CCDC77: variants seen among roughly 807,000 people sequenced by gnomAD.
CCDC77 encodes coiled-coil domain-containing protein 77.
A neutral mutation model predicts 66.8 loss-of-function variants in CCDC77; 56 were observed. The ratio of observed to expected loss-of-function variants is 0.84; its 90% CI spans 0.68 to 1.05. The LOEUF is 1.05. Ranked by LOEUF, CCDC77 falls within the 50% of genes least tolerant of loss-of-function variation. The probability of loss-of-function intolerance (pLI) is 0.00; values close to 1 mark genes in which losing one functional copy is unlikely to be tolerated. For synonymous variants in CCDC77, 196 were observed against 195.2 expected, an observed-to-expected ratio of 1.00 and a Z score of -0.03; for missense variants, 570 against 576.8, an observed-to-expected ratio of 0.99 and a Z score of 0.12.
At chr12:393,712 A>G (rs911724347) in intron 1 of CCDC77, among the ~76,000 whole-genome samples, 4 of 152,032 alleles carry the variant, frequency 2.6e-5, no homozygotes, top group African/African-American at 7.2e-5. Context: ...TTGTATTTTT[A>G]GTAGAGACGG....
At chr12:428,621 A>G (rs1443999388) in intron 5 of CCDC77, 148 bp from the exon 6 acceptor site, 3 of 507,500 alleles carry the variant, frequency 5.9e-6, no homozygotes, top group African/African-American at 2.0e-5. Flanking sequence ...TCTAGATACA[A>G]ACTATTCAAT....
chr12:425,552 G>C (rs1466569498), intron 5 of CCDC77, among the ~76,000 whole-genome samples: 1 of 151,796 alleles, frequency 6.6e-6, no homozygotes, highest in Admixed American at 6.6e-5. Flanking sequence ...TCCAAAATGC[G>C]GAGTATGTTG....
intron 8 of CCDC77, 45 bp downstream of exon 8, chr12:431,999 G>A: frequency 1.7e-6 from 2 of 1,188,988 alleles, no homozygotes; most frequent in East Asian, 2.3e-5. Flanking sequence ...TTATCCACAG[G>A]TGCAGCTCTA....
At chr12:418,140 G>A (rs571942267) in intron 4 of CCDC77, among the ~76,000 whole-genome samples, 7 of 152,074 alleles carry the variant, frequency 4.6e-5, no homozygotes, top group South Asian at 4.2e-4. Context: ...CCAACATGGC[G>A]AAACCCCATC....
Position 409,440 on chromosome 12 carries a change from T to G in CCDC77, c.38+19T>G, listed in dbSNP as rs775780238. 1.4e-5 allele frequency: 23 copies of G among 1,611,000 alleles called. No individual in the cohort carries two copies. Among genetic ancestry groups the G allele is most frequent in the Non-Finnish European group, 1.8e-5 (21 of 1,177,804 alleles). On this transcript the variant is annotated intron_variant, in intron 3 of 12. Transcript: ENST00000239830. Reference sequence around the variant, plus strand: ...GCAGAAAGTAAGACATTTGCTTATTTTCAAGTTGTTAAGAAATCGAGACTT... The same window carrying G: ...GCAGAAAGTAAGACATTTGCTTATTGTCAAGTTGTTAAGAAATCGAGACTT...
intron 3 of CCDC77, among the ~76,000 whole-genome samples, chr12:410,032 T>C (rs1375682574): frequency 6.6e-6 from 1 of 151,680 alleles, no homozygotes; most frequent in East Asian, 1.9e-4. Flanking sequence ...AGTAAACTAG[T>C]ATTTCTCTCA....
intron 1 of CCDC77, among the ~76,000 whole-genome samples, chr12:402,358 G>T (rs1305304435): frequency 6.6e-6 from 1 of 152,178 alleles, no homozygotes; most frequent in Admixed American, 6.5e-5. Flanking sequence ...CAGTTCTTTT[G>T]CACTTAGATC....
intron 5 of CCDC77, among the ~76,000 whole-genome samples, chr12:419,450 TGA>T (rs150515185): frequency 1.1e-4 from 10 of 91,554 alleles, no homozygotes; most frequent in East Asian, 6.9e-4. Flanking sequence ...GTGCTGGGAG[TGA>T]GAGGGTAAAA....
rs1470253916 is a variant in CCDC77 at position 418,631 on chromosome 12, A to G, written c.408A>G (p.Arg136=). The change falls in exon 5 of 13, where the codon AGA becomes AGG. Residue 136 remains arginine (R), a synonymous_variant. Transcript: ENST00000239830. ...TCTACTCAGAAAATGACCGACTGAG[A>G]ATCAGGTACCAAATAGGAGAAGGGA... is the stretch of plus-strand genomic sequence containing the variant. ...LRLYSENDRL[R]IRELEDKKKI... 1 of 1,613,144 alleles carries G rather than the reference A, an allele frequency of 6.2e-7. No individual in the cohort carries two copies.
chr12:424,182 G>A (rs1376978612), intron 5 of CCDC77, among the ~76,000 whole-genome samples: 1 of 152,094 alleles, frequency 6.6e-6, no homozygotes, highest in Admixed American at 6.6e-5. Context: ...TGTTGCCCAG[G>A]CTGGTCTCAA....
rs543823849 is a variant in CCDC77 at position 424,170 on chromosome 12, G to A, written c.414-4599G>A. Among the ~76,000 whole-genome samples, 16 of 150,918 alleles carry A rather than the reference G, an allele frequency of 1.1e-4. No individual in the cohort carries two copies. The South Asian group carries it at 2.3e-3, about 22-fold the overall frequency. ...ATTTTTGGTAGAGTCAGAGTTTCGC[G>A]ATGTTGCCCAGGCTGGTCTCAAACT... On this transcript the variant is annotated intron_variant, in intron 5 of 12. Transcript: ENST00000239830.
chr12:389,492 G>T, intron 1 of CCDC77: 1 of 363,736 alleles, frequency 2.7e-6, no homozygotes, highest in South Asian at 2.8e-5. Context: ...CCTTGGTAAG[G>T]GGTCGGGGAG....
At chr12:409,508 A>C in intron 3 of CCDC77, 87 bp downstream of exon 3, 1 of 1,276,750 alleles carries the variant, frequency 7.8e-7, no homozygotes. Context: ...AGGTATTGGA[A>C]ACATATTTCC....
upstream of CCDC77, among the ~76,000 whole-genome samples, chr12:397,609 T>C (rs997075323): frequency 1.3e-5 from 2 of 152,190 alleles, no homozygotes; most frequent in African/African-American, 4.8e-5. Flanking sequence ...ATTTCTAGTT[T>C]GCATTATTTC....
chr12:389,731 C>G (rs1376618688), intron 1 of CCDC77, among the ~76,000 whole-genome samples: 3 of 152,182 alleles, frequency 2.0e-5, no homozygotes, highest in African/African-American at 7.2e-5. Flanking sequence ...ATCTTAAGCA[C>G]CGCGCCTCAC....
rs1945876132 is a variant in CCDC77, at chr12:442,535, AGAT to A, written c.*620_*622del. The A allele has an allele frequency of 6.6e-6, 1 of 152,206 alleles. No homozygotes were observed. The highest frequency in any genetic ancestry group is 2.4e-5 in the African/African-American group (1 of 41,448). 9.4% of individuals were successfully genotyped at this position (152,206 alleles called of 1,614,324 possible). A position where few individuals can be genotyped will look rare whatever the true frequency, so the allele number is the denominator to read the frequency against. ...ACACTTTGCCGAGGGGATGAAGCTG[AGAT>A]GATGCTTGTATGGAAAGTTTGATAT... On this transcript the variant is annotated 3_prime_UTR_variant, in exon 13 of 13. Transcript: ENST00000239830.
intron 9 of CCDC77, among the ~76,000 whole-genome samples, chr12:435,928 T>A (rs537398801): frequency 2.0e-5 from 3 of 152,124 alleles, no homozygotes; most frequent in African/African-American, 7.2e-5. Context: ...TTTGTAGAGA[T>A]GGGGTCTTGC....
intron 3 of CCDC77, among the ~76,000 whole-genome samples, chr12:410,742 C>T (rs1456593667): frequency 6.7e-5 from 10 of 148,856 alleles, no homozygotes; most frequent in South Asian, 4.3e-4. Context: ...GACTAGGTTT[C>T]ACTATGTTGG....
At chr12:441,459 C>T (rs1310672931) in intron 12 of CCDC77, among the ~76,000 whole-genome samples, 1 of 152,134 alleles carries the variant, frequency 6.6e-6, no homozygotes, top group Admixed American at 6.6e-5. Flanking sequence ...ACAAACTTAC[C>T]AGTAGTGTTG....
Sources: allele counts gnomAD v4.1 joint callset (sites outside exome capture counted in the v4.1 genomes callset), GRCh38; gene constraint gnomAD v4.1.1; transcripts MANE v1.5; gene names NCBI Gene and HGNC (gene_info 2026-07-23, HGNC 2026-07-21).